Variants in NPHS1 observed in about 807,000 individuals in gnomAD.
NPHS1 encodes the protein nephrin.
NPHS1 carries 107 observed loss-of-function variants against 139.7 expected under a neutral mutation model. The observed-to-expected ratio is 0.77, with a 90% CI of 0.66 to 0.90. NPHS1 has a LOEUF of 0.90. NPHS1 is among the 40% of genes least tolerant of loss of function. The pLI, the probability that NPHS1 is intolerant of heterozygous loss-of-function variation, is 0.00. For missense variants in NPHS1, 1,580 were observed against 1,654.2 expected (o/e 0.96, Z 0.78); for synonymous variants, 707 against 706.6 (o/e 1.00, Z -0.01).
At chr19:35,833,340 C>A (rs1972909323) in intron 23 of NPHS1, among the ~76,000 whole-genome samples, 2 of 152,216 alleles carry the variant, frequency 1.3e-5, no homozygotes, top group South Asian at 4.1e-4. Context: ...GCACTTTTTT[C>A]CCCTGGGGAG....
At chr19:35,844,004 G>GT (rs1973097761) in intron 16 of NPHS1, 99 bp downstream of exon 16, 2 of 1,511,538 alleles carry the variant, frequency 1.3e-6, no homozygotes. Context: ...TCCAGGATGG[G>GT]TGGCTATCCC....
intron 17 of NPHS1, 113 bp downstream of exon 17, chr19:35,843,359 A>G: frequency 1.5e-6 from 2 of 1,304,584 alleles, no homozygotes; most frequent in South Asian, 1.2e-5. Flanking sequence ...CCTGGCGAGT[A>G]TATAGTTATA....
rs1362142877 is a variant in NPHS1, at chr19:35,851,843, G to A, written c.-6C>T. The A allele has an allele frequency of 6.4e-6, 10 of 1,550,540 alleles. No homozygotes were observed. The highest frequency in any genetic ancestry group is 8.7e-6 in the Non-Finnish European group (10 of 1,146,750). ...AGCGTCGTCCCCAGGGCCATCACAG[G>A]TCCCCCTACTGTGACCCCCACAGCG... On this transcript the variant is annotated 5_prime_UTR_variant, in exon 1 of 29. Transcript: ENST00000378910.
At chr19:35,831,200 T>C in intron 26 of NPHS1, 54 bp from the exon 27 acceptor site, 2 of 1,610,698 alleles carry the variant, frequency 1.2e-6, no homozygotes, top group Non-Finnish European at 1.7e-6. Flanking sequence ...GACCCCACTG[T>C]GCCCGGAAGG....
chr19:35,826,439 G>A lies in NPHS1; in HGVS notation c.*75C>T, dbSNP rs1460736638. On this transcript the variant is annotated 3_prime_UTR_variant, in exon 29 of 29. Transcript: ENST00000378910. ...TTTATGGAGCTCACCTAACCAGCTC[G>A]GCCCAGGCTGTAATGAGAGAGACCA... The A allele has an allele frequency of 6.3e-6, 10 of 1,582,760 alleles. No homozygotes were observed. Among genetic ancestry groups the A allele is most frequent in the Admixed American group, 1.7e-5 (1 of 59,850 alleles).
intron 22 of NPHS1, 84 bp from the exon 23 acceptor site, chr19:35,835,845 ATT>A (rs1972950360): frequency 8.1e-7 from 1 of 1,233,218 alleles, no homozygotes; most frequent in Non-Finnish European, 1.2e-6. Flanking sequence ...TCTTAAGCCT[ATT>A]AGATTCATGG....
chr19:35,844,316 C>T lies in NPHS1; in HGVS notation c.2071+3G>A. 1 of 1,614,018 alleles carries T rather than the reference C, an allele frequency of 6.2e-7. No homozygotes were observed. The highest frequency in any genetic ancestry group is 8.5e-7 in the Non-Finnish European group (1 of 1,179,972). ...GACCCCTCCCCATGACCACTTCCCT[C>T]ACCTGGACTGAGGCGATAGCCGCGG... On this transcript the variant is annotated splice_donor_region_variant and intron_variant, in intron 15 of 28. Transcript: ENST00000378910.
chr19:35,831,542 GC>G (rs748521322), intron 24 of NPHS1, 42 bp from the exon 25 acceptor site: 52 of 1,613,438 alleles, frequency 3.2e-5, no homozygotes, highest in Non-Finnish European at 4.2e-5. Flanking sequence ...CCCTATGCAA[GC>G]CCCCCACCCC....
At chr19:35,847,054 CT>C (rs796443472) in intron 11 of NPHS1, among the ~76,000 whole-genome samples, 2 of 150,740 alleles carry the variant, frequency 1.3e-5, no homozygotes, top group Non-Finnish European at 3.0e-5. Context: ...CTTTTCTTTT[CT>C]TTTTTTTTGA....
At chr19:35,838,544 C>T (rs1267887592) in intron 22 of NPHS1, among the ~76,000 whole-genome samples, 1 of 148,642 alleles carries the variant, frequency 6.7e-6, no homozygotes. Flanking sequence ...CAGAGTGAGA[C>T]TCCATCTCAA....
At chr19:35,832,594 A>G (rs1424131308) in intron 23 of NPHS1, among the ~76,000 whole-genome samples, 5 of 151,718 alleles carry the variant, frequency 3.3e-5, no homozygotes, top group Admixed American at 2.0e-4. Context: ...TTGTTTTTTA[A>G]TTAAGACGGA....
Position 35,845,234 on chromosome 19 carries a change from C to T in NPHS1, c.1930+134G>A. 7.0e-6 allele frequency: 7 copies of T among 996,562 alleles called. No homozygotes were observed. The highest frequency in any genetic ancestry group is 1.1e-5 in the Non-Finnish European group (7 of 646,336). 61.7% of individuals were successfully genotyped at this position (996,562 alleles called of 1,614,324 possible). A position where few individuals can be genotyped will look rare whatever the true frequency, so the allele number is the denominator to read the frequency against. ...GCAGTGACCTATGATTGCGTCACTG[C>T]ATTGCAGCCTGAGCGACAAAAAATG... is the stretch of plus-strand genomic sequence containing the variant. On this transcript the variant is annotated intron_variant, in intron 14 of 28. Coordinates refer to ENST00000378910, the MANE Select transcript of NPHS1 (RefSeq NM_004646.4). This position sits in a 1 kb window ranked among gnomAD's most constrained non-coding sequence, Gnocchi z 5.5.
intron 11 of NPHS1, 55 bp from the exon 12 acceptor site, chr19:35,846,249 C>A: frequency 7.2e-6 from 11 of 1,529,338 alleles, no homozygotes; most frequent in Non-Finnish European, 9.7e-6. Context: ...TCCACCAACC[C>A]CCAACCCCCC....
At chr19:35,835,676 C>T (rs780785634) in intron 23 of NPHS1, 29 bp downstream of exon 23, 20 of 1,604,220 alleles carry the variant, frequency 1.2e-5, no homozygotes, top group Admixed American at 3.3e-5. Flanking sequence ...TCAGGGGAGC[C>T]GGGAGGGATC....
At chr19:35,844,281 C>G (rs1973104031) in intron 15 of NPHS1, 38 bp from the exon 16 acceptor site, 1 of 1,613,770 alleles carries the variant, frequency 6.2e-7, no homozygotes, top group Non-Finnish European at 8.5e-7. Flanking sequence ...GCAGGACCTC[C>G]CATCCCCGGG....
chr19:35,847,566 G>A (rs1220690729), intron 11 of NPHS1, among the ~76,000 whole-genome samples: 2 of 150,328 alleles, frequency 1.3e-5, no homozygotes, highest in African/African-American at 4.9e-5. Flanking sequence ...ATGTTGGTCA[G>A]GCTGGTCTCT....
At position 35,835,754 on chromosome 19, in the gene NPHS1, G is replaced by C. The variant is rs150958608; in HGVS notation, c.3117C>G (p.His1039Gln). ...GGTCTTCAGGTTCTCCAGAAGGCTG[G>C]TGGAGACCTGGGGGGTGGATATACA... Reference protein sequence around the residue: ...TQLPITTPGLHQPSGEPEDQL... With the variant: ...TQLPITTPGLQQPSGEPEDQL... The change falls in exon 23 of 29, where the codon CAC becomes CAG. Residue 1039 changes from histidine to glutamine, a missense_variant. His to Gln is a conservative substitution (Grantham distance 24). Transcript: ENST00000378910. 6.2e-7 allele frequency: 1 copy of C among 1,613,448 alleles called. No homozygotes were observed. The highest frequency in any genetic ancestry group is 8.5e-7 in the Non-Finnish European group (1 of 1,179,718).
At chr19:35,831,259 C>T (rs375670581) in intron 26 of NPHS1, 37 bp downstream of exon 26, 13 of 1,611,026 alleles carry the variant, frequency 8.1e-6, no homozygotes, top group Non-Finnish European at 1.1e-5. Flanking sequence ...GCCGTCGGTG[C>T]CCTGATTGTG....
chr19:35,840,940 G>A (rs549023731), intron 20 of NPHS1, among the ~76,000 whole-genome samples: 1 of 150,492 alleles, frequency 6.6e-6, no homozygotes, highest in African/African-American at 2.4e-5. Context: ...CTCCCAAAGT[G>A]CTGGGATTAC....
Sources: allele counts gnomAD v4.1 joint callset (sites outside exome capture counted in the v4.1 genomes callset), GRCh38; gene constraint gnomAD v4.1.1; non-coding constraint Gnocchi (gnomAD v3.1); transcripts MANE v1.5; gene names NCBI Gene and HGNC (gene_info 2026-07-23, HGNC 2026-07-21).